The following TTLL11 variants were observed in gnomAD, a reference collection of about 807,000 sequenced individuals.
The protein encoded by TTLL11 is tubulin tyrosine ligase like 11.
In TTLL11, 42 loss-of-function variants were observed where a neutral mutation model predicts 51.7. The ratio of observed to expected loss-of-function variants is 0.81; its 90% CI spans 0.64 to 1.05. The LOEUF (loss-of-function observed/expected upper bound fraction) is 1.05. Ranked by LOEUF, TTLL11 falls within the 50% of genes least tolerant of loss-of-function variation. The pLI is 0.00. For missense variants in TTLL11, 799 were observed against 940.4 expected (o/e 0.85, Z 1.97); for synonymous variants, 381 against 383.5 (o/e 0.99, Z 0.08).
intron 3 of TTLL11, among the ~76,000 whole-genome samples, chr9:121,999,469 C>T (rs538472601): frequency 6.6e-6 from 1 of 152,268 alleles, no homozygotes; most frequent in South Asian, 2.1e-4. Flanking sequence ...TCTGAGATCA[C>T]CTTCTCCCAC....
intron 6 of TTLL11, among the ~76,000 whole-genome samples, chr9:121,914,732 T>C (rs1840261952): frequency 6.6e-6 from 1 of 152,164 alleles, no homozygotes; most frequent in African/African-American, 2.4e-5. Context: ...GAGTCGCAGA[T>C]GCCCCATTTC....
chr9:121,888,201 A>T (rs73664704), intron 6 of TTLL11, among the ~76,000 whole-genome samples: 253 of 152,294 alleles, frequency 1.7e-3, no homozygotes, highest in African/African-American at 5.8e-3. Context: ...CTCAGAAGGC[A>T]GTGGCTCTGG....
chr9:121,835,581 G>A (rs926675962), intron 8 of TTLL11, among the ~76,000 whole-genome samples: 5 of 152,162 alleles, frequency 3.3e-5, no homozygotes, highest in Non-Finnish European at 7.3e-5. Context: ...TAAGTGTCAC[G>A]ACTGGACCAT....
At chr9:121,857,622 G>A (rs2131376369) in intron 8 of TTLL11, among the ~76,000 whole-genome samples, 1 of 152,308 alleles carries the variant, frequency 6.6e-6, no homozygotes, top group Admixed American at 6.5e-5. Flanking sequence ...CTGAGGTCTG[G>A]CCAAGGGCCT....
In TTLL11 at chr9:121,985,460, A is replaced by G. The variant is rs1456663081; in HGVS notation, c.1269+3735T>C. Among the ~76,000 whole-genome samples, 3 of 150,078 alleles carry G rather than the reference A, an allele frequency of 2.0e-5. No homozygotes were observed. The East Asian group carries it at 5.8e-4, about 29-fold the overall frequency. On this transcript the variant is annotated intron_variant, in intron 4 of 8. Coordinates refer to ENST00000321582, the MANE Select transcript of TTLL11 (RefSeq NM_001139442.2). ...AAACTCAAAAGTGTTCTTACAAGTG[A>G]TAAGAATAAAGTAAGAGAGGGCTCC...
rs1839204305 is a variant in TTLL11 at position 121,890,903 on chromosome 9, C to T, written c.1482-20155G>A. Reference sequence around the variant, plus strand: ...GTCCCTCTCTGGCCCCATCTCAGACCACAGTCCTATTTAAGCTCCAGCCAC... The same window carrying T: ...GTCCCTCTCTGGCCCCATCTCAGACTACAGTCCTATTTAAGCTCCAGCCAC... On this transcript the variant is annotated intron_variant, in intron 6 of 8. Transcript: ENST00000321582. This position sits in a 1 kb window ranked among gnomAD's most constrained non-coding sequence, Gnocchi z 4.3. 6.6e-6 allele frequency among the ~76,000 whole-genome samples: 1 copy of T among 152,190 alleles called. No homozygotes were observed. Among genetic ancestry groups the T allele is most frequent in the South Asian group, 2.1e-4 (1 of 4,826 alleles).
At chr9:121,934,743 A>G (rs929671976) in intron 6 of TTLL11, among the ~76,000 whole-genome samples, 3 of 152,230 alleles carry the variant, frequency 2.0e-5, no homozygotes, top group African/African-American at 7.2e-5. Flanking sequence ...GGTGGGCAGC[A>G]GAAGTGCTTT....
intron 1 of TTLL11, among the ~76,000 whole-genome samples, chr9:122,086,355 A>G (rs1846125020): frequency 6.6e-6 from 1 of 152,266 alleles, no homozygotes; most frequent in African/African-American, 2.4e-5. Context: ...GAAAAATTCC[A>G]ATAGATTAGA....
At chr9:122,000,859 C>T (rs571627892) in intron 3 of TTLL11, among the ~76,000 whole-genome samples, 1 of 152,290 alleles carries the variant, frequency 6.6e-6, no homozygotes, top group African/African-American at 2.4e-5. Context: ...GAACCCTCTC[C>T]TGGGGTCTGG....
intron 1 of TTLL11, among the ~76,000 whole-genome samples, chr9:122,082,983 G>A (rs539512389): frequency 2.6e-5 from 4 of 152,206 alleles, no homozygotes; most frequent in Admixed American, 6.5e-5. Context: ...GCAGTGAGCC[G>A]AGATTGCGCC....
chr9:122,062,089 C>T (rs1019455002), intron 1 of TTLL11, among the ~76,000 whole-genome samples: 1 of 152,166 alleles, frequency 6.6e-6, no homozygotes, highest in African/African-American at 2.4e-5. Flanking sequence ...GAGGCACAGC[C>T]CCATTGGGGC....
intron 4 of TTLL11, among the ~76,000 whole-genome samples, chr9:121,979,877 C>A (rs955049431): frequency 5.9e-5 from 9 of 151,942 alleles, no homozygotes; most frequent in Non-Finnish European, 1.5e-5. Flanking sequence ...ACATCTTGGG[C>A]TCTCATTGTG....
At chr9:121,971,166 AG>A (rs1491521432) in intron 6 of TTLL11, among the ~76,000 whole-genome samples, 2 of 7,330 alleles carry the variant, frequency 2.7e-4, no homozygotes, top group African/African-American at 3.5e-4. Context: ...GGAGGGAGGT[AG>A]GGGGGTCAGC....
chr9:121,924,643 G>A (rs73555613), intron 6 of TTLL11, among the ~76,000 whole-genome samples: 7,458 of 152,016 alleles, frequency 0.049, 468 homozygotes, highest in African/African-American at 0.15. Context: ...ACAAGCTTTG[G>A]GAGTGCCCTA....
intron 1 of TTLL11, among the ~76,000 whole-genome samples, chr9:122,051,880 C>T (rs1299657115): frequency 2.0e-5 from 3 of 152,092 alleles, no homozygotes; most frequent in Non-Finnish European, 4.4e-5. Flanking sequence ...TGGCTACGCT[C>T]AACAGAGAGA....
chr9:122,012,441 A>G (rs1843824822), intron 3 of TTLL11, among the ~76,000 whole-genome samples: 1 of 149,066 alleles, frequency 6.7e-6, no homozygotes, highest in East Asian at 1.9e-4. Flanking sequence ...AGAGAGAGAG[A>G]AAAAAAAAAG....
At chr9:121,959,877 T>C (rs73662544) in intron 6 of TTLL11, among the ~76,000 whole-genome samples, 11,724 of 152,066 alleles carry the variant, frequency 0.077, 678 homozygotes, top group African/African-American at 0.16. Context: ...CACTGTGATC[T>C]GTATTATACA....
chr9:121,886,754 T>C (rs1254193471), intron 6 of TTLL11, among the ~76,000 whole-genome samples: 1 of 152,206 alleles, frequency 6.6e-6, no homozygotes, highest in African/African-American at 2.4e-5. Context: ...TGGAAGCAAC[T>C]AGAATAGTGC....
chr9:121,895,120 G>A (rs1453470156), intron 6 of TTLL11, among the ~76,000 whole-genome samples: 1 of 152,146 alleles, frequency 6.6e-6, no homozygotes, highest in Non-Finnish European at 1.5e-5. Flanking sequence ...TATCTTACAT[G>A]TCTTAAATGT....
Sources: gnomAD v4.1 joint callset for allele counts (sites outside exome capture counted in the v4.1 genomes callset) on GRCh38, gnomAD v4.1.1 for gene constraint, Gnocchi (gnomAD v3.1) non-coding constraint, MANE v1.5 for transcripts, NCBI Gene and HGNC (gene_info 2026-07-23, HGNC 2026-07-21) for gene names.